Variants in HPS5 observed in about 807,000 individuals in gnomAD.
The protein encoded by HPS5 is HPS5 biogenesis of lysosomal organelles complex 2 subunit 2, also known as BLOC-2 complex member HPS5.
Under a neutral mutation model 128.0 loss-of-function variants are expected in HPS5, and 83 were observed. That is an observed-to-expected ratio of 0.65 (90% CI 0.54 to 0.78). The LOEUF is 0.78. Among genes scored for constraint, HPS5 ranks in the 30% least tolerant of loss-of-function variants. The pLI is 0.00. For missense variants in HPS5, 1,281 were observed against 1,326.2 expected, an observed-to-expected ratio of 0.97 and a Z score of 0.53; for synonymous variants, 475 against 470.2, an observed-to-expected ratio of 1.01 and a Z score of -0.13.
intron 8 of HPS5, among the ~76,000 whole-genome samples, chr11:18,304,821 T>G (rs1211451293): frequency 6.6e-6 from 1 of 152,238 alleles, no homozygotes; most frequent in Non-Finnish European, 1.5e-5. Flanking sequence ...CTGGTACTCT[T>G]GCTCTTGCAG....
chr11:18,292,454 A>G lies in HPS5; in HGVS notation c.1863-435T>C, dbSNP rs577415486. Among the ~76,000 whole-genome samples the G allele has an allele frequency of 1.8e-3, 268 of 152,244 alleles. 2 individuals carry two copies. Among genetic ancestry groups the G allele is most frequent in the Non-Finnish European group, 3.4e-3 (229 of 68,012 alleles). ...AGCGATCCGCCCACCTCAGCCTTTC[A>G]AAATGCTGGGATTACAGTCATGAGC... On this transcript the variant is annotated intron_variant, in intron 15 of 22. Transcript: ENST00000349215.
At chr11:18,298,497 T>C (rs2134351953) in intron 10 of HPS5, among the ~76,000 whole-genome samples, 1 of 152,116 alleles carries the variant, frequency 6.6e-6, no homozygotes, top group East Asian at 1.9e-4. Context: ...TGTCTCAAAA[T>C]AATAATAATA....
chr11:18,290,860 T>C (rs1362324211), intron 16 of HPS5, among the ~76,000 whole-genome samples: 4 of 152,062 alleles, frequency 2.6e-5, no homozygotes, highest in Non-Finnish European at 5.9e-5. Flanking sequence ...GGATCAAGGC[T>C]ACAGTGAGCC....
In HPS5 at chr11:18,300,919, G is replaced by C. The variant is rs1861628357; in HGVS notation, c.897-3C>G. The C allele has an allele frequency of 6.5e-7, 1 of 1,546,642 alleles. No homozygotes were observed. Among genetic ancestry groups the C allele is most frequent in the African/African-American group, 1.4e-5 (1 of 73,710 alleles). On this transcript the variant is annotated splice_region_variant and splice_polypyrimidine_tract_variant and intron_variant, in intron 8 of 22. Coordinates refer to ENST00000349215, the MANE Select transcript of HPS5 (RefSeq NM_181507.2). Reference sequence around the variant, plus strand: ...TCCAAGTCAGCACACAATGCTCACTGCAAGAGAAGAAGTGAAGAGAATTCA... The same window carrying C: ...TCCAAGTCAGCACACAATGCTCACTCCAAGAGAAGAAGTGAAGAGAATTCA...
intron 20 of HPS5, among the ~76,000 whole-genome samples, 164 bp downstream of exon 20, chr11:18,285,182 G>A (rs574547125): frequency 1.3e-5 from 2 of 150,492 alleles, no homozygotes; most frequent in South Asian, 4.2e-4. Flanking sequence ...AATTTAAATG[G>A]AAAAAAGATG....
intron 9 of HPS5, 137 bp from the exon 10 acceptor site, chr11:18,299,107 C>T: frequency 1.3e-6 from 1 of 751,914 alleles, no homozygotes; most frequent in Non-Finnish European, 2.2e-6. Context: ...TATTTTTCTA[C>T]TTGCAGTTCA....
rs1189413780 is a variant in HPS5, at chr11:18,291,836, T to C, written c.2046A>G (p.Gly682=). 1 of 1,611,790 alleles carries C rather than the reference T, an allele frequency of 6.2e-7. No homozygotes were observed. The highest frequency in any genetic ancestry group is 1.7e-5 in the Admixed American group (1 of 59,588). Residue 682 remains glycine (G), a synonymous_variant, in exon 16 of 23, where the codon GGA becomes GGG. Transcript: ENST00000349215. ...CTTTTTCATTATCTTCATCTAATATTCCCTTTTTTGATTCATTAACTAATA... is the reference window on the plus strand; with the variant it reads ...CTTTTTCATTATCTTCATCTAATATCCCCTTTTTTGATTCATTAACTAATA... ...DVLLVNESKK[G]ILDEDNEKEK...
At position 18,297,558 on chromosome 11, in the gene HPS5, C is replaced by G; in HGVS notation, c.1323+1G>C. The stretch of plus-strand genomic sequence containing the variant: ...AATCCTTTAAAGGTGAGAATACTTA[C>G]ATGTGATGAAATGGAGCTTCTTCTA... On this transcript the variant is annotated splice_donor_variant, in intron 11 of 22. Coordinates refer to ENST00000349215, the MANE Select transcript of HPS5 (RefSeq NM_181507.2). LOFTEE classifies it high-confidence loss of function. The G allele has an allele frequency of 6.2e-7, 1 of 1,613,164 alleles. No individual in the cohort carries two copies.
chr11:18,291,537 A>C lies in HPS5; in HGVS notation c.2345T>G (p.Phe782Cys). 6.2e-7 allele frequency: 1 copy of C among 1,611,406 alleles called. No individual in the cohort carries two copies. The highest frequency in any genetic ancestry group is 1.3e-5 in the African/African-American group (1 of 74,928). Reference protein sequence around the residue: ...ILACQFLKKYFFLLNLKRAKE... With the variant: ...ILACQFLKKYCFLLNLKRAKE... ...CGCTCTTTTCAAGTTCAGGAGAAAA[A>C]AGTACTTCTTCAGGAACTGGCAAGC... The change falls in exon 16 of 23, where the codon TTT becomes TGT. Residue 782 changes from phenylalanine to cysteine, a missense_variant. By Grantham distance (205) the Phe-to-Cys change is radical. Coordinates refer to ENST00000349215, the MANE Select transcript of HPS5 (RefSeq NM_181507.2).
At position 18,282,396 on chromosome 11, in the gene HPS5, GA is replaced by G. The variant is rs540999912; in HGVS notation, c.3059-177del. On this transcript the variant is annotated intron_variant, in intron 21 of 22. Coordinates refer to ENST00000349215, the MANE Select transcript of HPS5 (RefSeq NM_181507.2). ...AATTTGTTGTATAAATTGTTCATGA[GA>G]AAGAGAAGCCACAAAATTAACTTTA... 4.1e-4 allele frequency among the ~76,000 whole-genome samples: 62 copies of G among 151,682 alleles called. 1 individual carries two copies. Among genetic ancestry groups the G allele is most frequent in the African/African-American group, 1.3e-3 (52 of 41,420 alleles).
chr11:18,290,348 G>T (rs1226359750), intron 16 of HPS5, among the ~76,000 whole-genome samples: 1 of 152,276 alleles, frequency 6.6e-6, no homozygotes. Flanking sequence ...CAGCAGTTTA[G>T]CTACCTAAGA....
At chr11:18,299,003 G>A in intron 9 of HPS5, 33 bp from the exon 10 acceptor site, 1 of 1,598,158 alleles carries the variant, frequency 6.3e-7, no homozygotes, top group Non-Finnish European at 8.6e-7. Flanking sequence ...CATACAAAAT[G>A]TTAACCAAAT....
rs868410563 is a variant in HPS5 at position 18,282,020 on chromosome 11, G to A, written c.3259C>T (p.Leu1087=). The A allele has an allele frequency of 1.4e-5, 23 of 1,614,082 alleles. No homozygotes were observed. The highest frequency in any genetic ancestry group is 1.4e-5 in the Non-Finnish European group (17 of 1,180,052). The change falls in exon 22 of 23, where the codon CTG becomes TTG. Residue 1087 remains leucine (L), a synonymous_variant. Transcript: ENST00000349215. ...RAWSLLQECG[L]ALELSEKFTR... is the part of the protein sequence containing the mutation. ...AACTTCTCTGACAACTCAAGGGCCA[G>A]ACCACATTCCTGTAGCAGTGACCAA...
chr11:18,290,333 T>C (rs574543805), intron 16 of HPS5, among the ~76,000 whole-genome samples: 2 of 152,238 alleles, frequency 1.3e-5, no homozygotes, highest in Non-Finnish European at 2.9e-5. Flanking sequence ...ATCAGATATT[T>C]ATTACAGCAG....
At chr11:18,306,393 A>G (rs767489457) in intron 6 of HPS5, 46 bp from the exon 7 acceptor site, 13 of 1,414,950 alleles carry the variant, frequency 9.2e-6, no homozygotes, top group African/African-American at 1.4e-5. Context: ...TACAAAAAAA[A>G]GTCAAAAACA....
chr11:18,314,857 C>G (rs1863430917), intron 2 of HPS5, among the ~76,000 whole-genome samples: 2 of 152,152 alleles, frequency 1.3e-5, no homozygotes, highest in African/African-American at 2.4e-5. Context: ...CCCACCACCA[C>G]GTCCAGCTGA....
At chr11:18,311,884 G>T in intron 3 of HPS5, 30 bp downstream of exon 3, 2 of 1,317,084 alleles carry the variant, frequency 1.5e-6, no homozygotes, top group Non-Finnish European at 2.2e-6. Flanking sequence ...GACTCCAAAT[G>T]GTGTATGACA....
intron 8 of HPS5, among the ~76,000 whole-genome samples, chr11:18,304,882 G>A (rs1862171233): frequency 6.6e-6 from 1 of 152,230 alleles, no homozygotes; most frequent in Non-Finnish European, 1.5e-5. Context: ...TTTTAGGGCA[G>A]CACTTTGTGC....
intron 2 of HPS5, among the ~76,000 whole-genome samples, chr11:18,317,429 T>C (rs1376839452): frequency 6.6e-6 from 1 of 152,022 alleles, no homozygotes; most frequent in Non-Finnish European, 1.5e-5. Context: ...CTAATTTTTG[T>C]ATTTTTAGTA....
Sources: allele counts gnomAD v4.1 joint callset (sites outside exome capture counted in the v4.1 genomes callset), GRCh38; gene constraint gnomAD v4.1.1; transcripts MANE v1.5; gene names NCBI Gene and HGNC (gene_info 2026-07-23, HGNC 2026-07-21).